Variants in MAP4K3 observed in about 807,000 individuals in gnomAD.
MAP4K3 encodes the protein mitogen-activated protein kinase kinase kinase kinase 3, also known as MAPK/ERK kinase kinase kinase 3.
In MAP4K3, 94 loss-of-function variants were observed where a neutral mutation model predicts 143.5. That is an observed-to-expected ratio of 0.65 (90% confidence interval 0.55 to 0.78). The LOEUF is 0.78. MAP4K3 is among the 30% of genes least tolerant of loss of function. MAP4K3 has a pLI of 0.00. For synonymous variants in MAP4K3, 416 were observed against 347.2 expected (o/e 1.20, Z -2.20); for missense variants, 1,077 against 1,068.1 (o/e 1.01, Z -0.12).
At chr2:39,348,410 A>AAAGTAAAG (rs1665358225) in intron 3 of MAP4K3, among the ~76,000 whole-genome samples, 5 of 152,264 alleles carry the variant, frequency 3.3e-5, no homozygotes, top group African/African-American at 1.2e-4. Context: ...TACTTTTATA[A>AAAGTAAAG]TATTCTATTT....
At chr2:39,329,970 T>C (rs749864478) in intron 8 of MAP4K3, among the ~76,000 whole-genome samples, 4 of 152,082 alleles carry the variant, frequency 2.6e-5, no homozygotes, top group Non-Finnish European at 4.4e-5. Flanking sequence ...GAGGAACTCT[T>C]ATAAGTAGAA....
rs375414914 is a variant in MAP4K3 at position 39,274,341 on chromosome 2, C to A, written c.1795-1799G>T. Among the ~76,000 whole-genome samples, 9 of 151,724 alleles carry A rather than the reference C, an allele frequency of 5.9e-5. No individual in the cohort carries two copies. The East Asian group carries it at 1.4e-3, about 23-fold the overall frequency. On this transcript the variant is annotated intron_variant, in intron 24 of 33. Coordinates refer to ENST00000263881, the MANE Select transcript of MAP4K3 (RefSeq NM_003618.4). Reference sequence around the variant, plus strand: ...ACGCCCTTCTCCTGCCTCAGCCTCCCGAGTAGCTGGGACTACAGGCGCCCG... The same window carrying A: ...ACGCCCTTCTCCTGCCTCAGCCTCCAGAGTAGCTGGGACTACAGGCGCCCG...
chr2:39,333,718 TAG>T (rs1312686703), intron 6 of MAP4K3, 144 bp from the exon 7 acceptor site: 2 of 488,442 alleles, frequency 4.1e-6, no homozygotes, highest in African/African-American at 2.0e-5. Context: ...GTCGTATCAT[TAG>T]AGTCATAGGT....
At chr2:39,374,686 T>TA (rs1047121259) in intron 2 of MAP4K3, among the ~76,000 whole-genome samples, 1 of 150,738 alleles carries the variant, frequency 6.6e-6, no homozygotes, top group Non-Finnish European at 1.5e-5. Context: ...CATCACAAAT[T>TA]AAAAAAAAAT....
intron 1 of MAP4K3, among the ~76,000 whole-genome samples, chr2:39,430,761 C>T (rs1259494089): frequency 6.6e-6 from 1 of 152,092 alleles, no homozygotes. Context: ...GCTTAATATG[C>T]CAAAGATACA....
chr2:39,401,576 G>C (rs1572491377), intron 1 of MAP4K3, among the ~76,000 whole-genome samples: 1 of 152,102 alleles, frequency 6.6e-6, no homozygotes, highest in African/African-American at 2.4e-5. Context: ...CAGGCAAGTG[G>C]AGCGCTTGAG....
chr2:39,392,809 G>A (rs963732193), intron 1 of MAP4K3, among the ~76,000 whole-genome samples: 5 of 152,058 alleles, frequency 3.3e-5, no homozygotes, highest in South Asian at 2.1e-4. Context: ...TTGATCTTTC[G>A]CCCTTACTCT....
chr2:39,325,425 TA>T (rs987665008), intron 12 of MAP4K3, 92 bp downstream of exon 12: 9 of 749,592 alleles, frequency 1.2e-5, no homozygotes, highest in East Asian at 2.8e-5. Flanking sequence ...GCCCCAAAAT[TA>T]AAAAAATGGA....
intron 2 of MAP4K3, among the ~76,000 whole-genome samples, chr2:39,362,622 C>T (rs1665801933): frequency 6.6e-6 from 1 of 152,074 alleles, no homozygotes; most frequent in Non-Finnish European, 1.5e-5. Flanking sequence ...TTCGTACTAC[C>T]CAATGCGATC....
chr2:39,308,665 G>C (rs1002377572), intron 14 of MAP4K3, among the ~76,000 whole-genome samples: 4 of 151,928 alleles, frequency 2.6e-5, no homozygotes, highest in African/African-American at 4.8e-5. Context: ...TTGTTCTATA[G>C]AATATTAACA....
intron 2 of MAP4K3, among the ~76,000 whole-genome samples, chr2:39,376,830 C>T (rs1199143425): frequency 6.6e-6 from 1 of 152,110 alleles, no homozygotes; most frequent in Non-Finnish European, 1.5e-5. Context: ...AAAATGAAGG[C>T]CCTGCTTTAA....
intron 33 of MAP4K3, 37 bp from the exon 34 acceptor site, chr2:39,250,742 A>C: frequency 6.4e-7 from 1 of 1,556,718 alleles, no homozygotes; most frequent in Non-Finnish European, 8.8e-7. Flanking sequence ...AAACAAAGTT[A>C]TTCCTGAAAA....
At chr2:39,433,582 G>A (rs935893196) in intron 1 of MAP4K3, among the ~76,000 whole-genome samples, 1 of 151,688 alleles carries the variant, frequency 6.6e-6, no homozygotes, top group African/African-American at 2.4e-5. Flanking sequence ...CATTTTTTTG[G>A]ATCATGAAGC....
At chr2:39,270,620 A>T (rs990045805) in intron 26 of MAP4K3, among the ~76,000 whole-genome samples, 3 of 152,190 alleles carry the variant, frequency 2.0e-5, no homozygotes, top group Admixed American at 2.0e-4. Flanking sequence ...TAATTTACCC[A>T]AGGTCCCATA....
intron 13 of MAP4K3, among the ~76,000 whole-genome samples, chr2:39,315,001 T>G (rs1291878116): frequency 6.6e-6 from 1 of 152,172 alleles, no homozygotes; most frequent in Non-Finnish European, 1.5e-5. Flanking sequence ...GAAACTGCAT[T>G]TAACAAGCTC....
intron 12 of MAP4K3, among the ~76,000 whole-genome samples, chr2:39,317,067 T>C (rs951788866): frequency 1.3e-5 from 2 of 152,016 alleles, no homozygotes; most frequent in East Asian, 1.9e-4. Context: ...AATAGACATA[T>C]AGACCAATGG....
Position 39,380,745 on chromosome 2 carries a change from A to G in MAP4K3, c.97-2622T>C, listed in dbSNP as rs550086220. Among the ~76,000 whole-genome samples the G allele has an allele frequency of 5.9e-5, 9 of 152,268 alleles. No homozygotes were observed. The South Asian group carries it at 1.0e-3, about 18-fold the overall frequency. The stretch of plus-strand genomic sequence containing the variant: ...AGGGTACAACACATCATTGCTTTAA[A>G]GACAAAAATCCAAATTCCCTGTCAG... On this transcript the variant is annotated intron_variant, in intron 1 of 33. Coordinates refer to ENST00000263881, the MANE Select transcript of MAP4K3 (RefSeq NM_003618.4).
chr2:39,414,922 A>G (rs1667330775), intron 1 of MAP4K3, among the ~76,000 whole-genome samples: 1 of 152,188 alleles, frequency 6.6e-6, no homozygotes, highest in African/African-American at 2.4e-5. Flanking sequence ...TGAACCTTGT[A>G]TGAAAGCCAA....
intron 1 of MAP4K3, among the ~76,000 whole-genome samples, chr2:39,391,409 T>TCTC (rs1385100770): frequency 7.1e-6 from 1 of 140,768 alleles, no homozygotes; most frequent in Non-Finnish European, 1.5e-5. Flanking sequence ...TATACTATAC[T>TCTC]CTCCTCCTAG....
Sources: allele counts gnomAD v4.1 joint callset (sites outside exome capture counted in the v4.1 genomes callset), GRCh38; gene constraint gnomAD v4.1.1; transcripts MANE v1.5; gene names NCBI Gene and HGNC (gene_info 2026-07-23, HGNC 2026-07-21).